The following FBXO11 variants were observed in gnomAD, a reference collection of about 807,000 sequenced individuals.
The protein encoded by FBXO11 is F-box protein 11, also known as F-box only protein 11.
Under a neutral mutation model 117.0 loss-of-function variants are expected in FBXO11, and 13 were observed. The observed-to-expected ratio is 0.11, with a 90% CI of 0.07 to 0.18. The LOEUF (loss-of-function observed/expected upper bound fraction) is 0.18. Ranked by LOEUF, FBXO11 falls within the 10% of genes least tolerant of loss-of-function variation. FBXO11 has a pLI of 1.00. For missense variants in FBXO11, 767 were observed against 1,164.4 expected, an observed-to-expected ratio of 0.66 and a Z score of 4.97; for synonymous variants, 490 against 380.5, an observed-to-expected ratio of 1.29 and a Z score of -3.35.
intron 1 of FBXO11, among the ~76,000 whole-genome samples, chr2:47,859,397 T>C (rs895456344): frequency 2.0e-5 from 3 of 152,194 alleles, no homozygotes; most frequent in African/African-American, 7.2e-5. Context: ...TGAATTCAAT[T>C]TCAGATGTCT....
In FBXO11 at chr2:47,808,005, AT is replaced by A; in HGVS notation, c.*112del. The A allele has an allele frequency of 1.0e-6, 1 of 985,810 alleles. No individual in the cohort carries two copies. The highest frequency in any genetic ancestry group is 1.5e-6 in the Non-Finnish European group (1 of 668,060). 61.1% of individuals were successfully genotyped at this position (985,810 alleles called of 1,614,324 possible). On this transcript the variant is annotated 3_prime_UTR_variant, in exon 23 of 23. Coordinates refer to ENST00000403359, the MANE Select transcript of FBXO11 (RefSeq NM_001190274.2). ...TAGTGTCAACTGACCTTGTGTATCCATTTTTAATACAGTCTCTTCCTGTAGC... is the reference window on the plus strand; with the variant it reads ...TAGTGTCAACTGACCTTGTGTATCCATTTTAATACAGTCTCTTCCTGTAGC...
chr2:47,896,512 T>C (rs1677678977), intron 1 of FBXO11, among the ~76,000 whole-genome samples: 1 of 152,096 alleles, frequency 6.6e-6, no homozygotes, highest in Non-Finnish European at 1.5e-5. Context: ...GTATTTTCTG[T>C]AGAGACGGGG....
At position 47,905,345 on chromosome 2, in the gene FBXO11, C is replaced by T. The variant is rs1678696526; in HGVS notation, c.232+144G>A. 3.4e-6 allele frequency: 3 copies of T among 880,012 alleles called. 1 individual carries two copies. The African/African-American group carries it at 5.3e-5, about 16-fold the overall frequency. 54.5% of individuals were successfully genotyped at this position (880,012 alleles called of 1,614,324 possible). The stretch of plus-strand genomic sequence containing the variant: ...CCCGGCCCGGGCTGACACTGCGGCA[C>T]CGGGGGACCCGCCTCCGCTCAGCTT... On this transcript the variant is annotated intron_variant, in intron 1 of 22. Coordinates refer to ENST00000403359, the MANE Select transcript of FBXO11 (RefSeq NM_001190274.2).
intron 1 of FBXO11, among the ~76,000 whole-genome samples, chr2:47,903,972 T>G (rs1225668307): frequency 6.6e-6 from 1 of 152,214 alleles, no homozygotes; most frequent in African/African-American, 2.4e-5. Context: ...GCACAAGATC[T>G]CCAACTGCCT....
chr2:47,862,720 C>G (rs1340816528), intron 1 of FBXO11, among the ~76,000 whole-genome samples: 4 of 152,114 alleles, frequency 2.6e-5, no homozygotes, highest in African/African-American at 9.7e-5. Context: ...ATAACTATAA[C>G]AAATCTAAGA....
intron 1 of FBXO11, 189 bp downstream of exon 1, chr2:47,905,300 G>T: frequency 2.2e-6 from 1 of 444,932 alleles, no homozygotes; most frequent in Non-Finnish European, 3.3e-6. Flanking sequence ...GGGAAGCCGC[G>T]GCTTTTCCTG....
Position 47,811,146 on chromosome 2 carries a change from A to AC in FBXO11, c.2228-721_2228-720insG, listed in dbSNP as rs1670584698. The AC allele has an allele frequency of 2.0e-5, 3 of 152,276 alleles. No individual in the cohort carries two copies. The East Asian group carries it at 5.8e-4, about 29-fold the overall frequency. 9.4% of individuals were successfully genotyped at this position (152,276 alleles called of 1,614,324 possible). The stretch of plus-strand genomic sequence containing the variant: ...TCCTCCTGTTCACTCCCTGGGTATT[A>AC]ATATTTCTGGGTTCTGTCCCTCATT... On this transcript the variant is annotated intron_variant, in intron 18 of 22. Coordinates refer to ENST00000403359, the MANE Select transcript of FBXO11 (RefSeq NM_001190274.2).
chr2:47,834,538 G>T, intron 7 of FBXO11, 41 bp downstream of exon 7: 2 of 1,457,624 alleles, frequency 1.4e-6, no homozygotes, highest in Non-Finnish European at 1.8e-6. Context: ...ACATAAATGA[G>T]TAAAATATTA....
intron 13 of FBXO11, among the ~76,000 whole-genome samples, chr2:47,821,992 G>C (rs1671424767): frequency 6.6e-6 from 1 of 152,140 alleles, no homozygotes; most frequent in South Asian, 2.1e-4. Flanking sequence ...GGCTGAAGGA[G>C]GAAGATCGCT....
At chr2:47,891,773 C>T (rs993445012) in intron 1 of FBXO11, among the ~76,000 whole-genome samples, 1 of 152,126 alleles carries the variant, frequency 6.6e-6, no homozygotes, top group African/African-American at 2.4e-5. Flanking sequence ...CGTATCTTCA[C>T]CAACACTTGT....
chr2:47,892,595 C>T (rs565300237), intron 1 of FBXO11, among the ~76,000 whole-genome samples: 1 of 152,290 alleles, frequency 6.6e-6, no homozygotes, highest in African/African-American at 2.4e-5. Context: ...ATAAAGGCAT[C>T]CTGGGAGTTA....
chr2:47,874,881 T>C (rs1161601833), intron 1 of FBXO11, among the ~76,000 whole-genome samples: 1 of 151,880 alleles, frequency 6.6e-6, no homozygotes, highest in Non-Finnish European at 1.5e-5. Context: ...TTTTTTTTTT[T>C]TTTTTTAAAG....
At chr2:47,862,457 T>C (rs748548866) in intron 1 of FBXO11, among the ~76,000 whole-genome samples, 5 of 151,910 alleles carry the variant, frequency 3.3e-5, no homozygotes, top group Non-Finnish European at 5.9e-5. Context: ...AAACTTTTTA[T>C]TTTTTATTTT....
At chr2:47,893,324 TAA>T (rs1677403215) in intron 1 of FBXO11, among the ~76,000 whole-genome samples, 1 of 151,624 alleles carries the variant, frequency 6.6e-6, no homozygotes, top group Non-Finnish European at 1.5e-5. Context: ...CAGTGTTTTA[TAA>T]ATATATATAA....
At chr2:47,874,648 C>T (rs1480671679) in intron 1 of FBXO11, among the ~76,000 whole-genome samples, 1 of 152,070 alleles carries the variant, frequency 6.6e-6, no homozygotes, top group Admixed American at 6.5e-5. Flanking sequence ...AATTCTTGTG[C>T]CTCAGCCTCC....
chr2:47,892,082 T>C (rs1397529713), intron 1 of FBXO11, among the ~76,000 whole-genome samples: 10 of 152,244 alleles, frequency 6.6e-5, no homozygotes, highest in Admixed American at 6.5e-5. Context: ...TTTCACTTTG[T>C]TGACTGTTTC....
rs545471722 is a variant in FBXO11, at chr2:47,850,127, A to G, written c.233-10358T>C. The stretch of plus-strand genomic sequence containing the variant: ...AAGAAATGGATATATGAGATACAAG[A>G]TAAAGCTCATAAAACTTGATGAGTG... On this transcript the variant is annotated intron_variant, in intron 1 of 22. Transcript: ENST00000403359. 4.7e-4 allele frequency among the ~76,000 whole-genome samples: 71 copies of G among 152,312 alleles called. 1 individual carries two copies. Among genetic ancestry groups the G allele is most frequent in the African/African-American group, 1.5e-3 (64 of 41,574 alleles).
chr2:47,867,303 TG>T (rs1245076400), intron 1 of FBXO11, among the ~76,000 whole-genome samples: 2 of 152,228 alleles, frequency 1.3e-5, no homozygotes, highest in Non-Finnish European at 2.9e-5. Flanking sequence ...CATCCTCCAC[TG>T]GAACTCAGCT....
chr2:47,811,111 C>T (rs1253407150), intron 18 of FBXO11: 2 of 152,294 alleles, frequency 1.3e-5, no homozygotes, highest in Non-Finnish European at 2.9e-5. Flanking sequence ...TCAGTAACTT[C>T]TTGGGGTCCT....
Sources: gnomAD v4.1 joint callset for allele counts (sites outside exome capture counted in the v4.1 genomes callset) on GRCh38, gnomAD v4.1.1 for gene constraint, MANE v1.5 for transcripts, NCBI Gene and HGNC (gene_info 2026-07-23, HGNC 2026-07-21) for gene names.